Variants in ABCA12 observed in about 807,000 individuals in gnomAD.
ABCA12 encodes ATP binding cassette subfamily A member 12, also known as glucosylceramide transporter ABCA12.
A neutral mutation model predicts 293.5 loss-of-function variants in ABCA12; 156 were observed. The observed-to-expected ratio is 0.53, with a 90% CI of 0.47 to 0.61. The LOEUF is 0.61. Among genes scored for constraint, ABCA12 ranks in the 20% least tolerant of loss-of-function variants. The probability of loss-of-function intolerance (pLI) is 0.00; values close to 1 mark genes in which losing one functional copy is unlikely to be tolerated. For synonymous variants in ABCA12, 1,063 were observed against 1,108.0 expected (o/e 0.96, Z 0.81); for missense variants, 2,797 against 3,090.2 (o/e 0.91, Z 2.25).
rs148082896 is a variant in ABCA12 at position 215,124,342 on chromosome 2, G to A, written c.70-12652C>T. The stretch of plus-strand genomic sequence containing the variant: ...GTAGATATCCAGTAGTGGGATTGCT[G>A]GATCAAATTGTAGTTCTAGTTTTAG... On this transcript the variant is annotated intron_variant, in intron 1 of 52. Transcript: ENST00000272895. Among the ~76,000 whole-genome samples the A allele has an allele frequency of 7.1e-3, 1,084 of 152,252 alleles. 14 individuals are homozygous for A. Among genetic ancestry groups the A allele is most frequent in the African/African-American group, 0.023 (970 of 41,542 alleles).
In ABCA12 at chr2:215,052,615, C is replaced by CCA. The variant is rs139246428; in HGVS notation, c.410-33_410-32dup. 17,077 of 1,495,124 alleles carry CCA rather than the reference C, an allele frequency of 0.011. 1,228 individuals carry two copies. The African/African-American group carries it at 0.2, about 17-fold the overall frequency. The allele number at this position is 1,495,124 out of a possible 1,614,324, so 92.6% of individuals were successfully genotyped here. A position where few individuals can be genotyped will look rare whatever the true frequency, so the allele number is the denominator to read the frequency against. ...ATCAAAGAAGGAACAGATTAGCATT[C>CCA]CACACACACACACACAAATGCACAG... On this transcript the variant is annotated intron_variant, in intron 4 of 52. Coordinates refer to ENST00000272895, the MANE Select transcript of ABCA12 (RefSeq NM_173076.3).
intron 3 of ABCA12, among the ~76,000 whole-genome samples, chr2:215,060,030 C>A (rs913290494): frequency 1.3e-5 from 2 of 152,014 alleles, no homozygotes; most frequent in East Asian, 1.9e-4. Context: ...ATCTGCCCAC[C>A]CACACTTATC....
At position 214,990,755 on chromosome 2, in the gene ABCA12, T is replaced by C; in HGVS notation, c.3571A>G (p.Ile1191Val). The C allele has an allele frequency of 6.2e-7, 1 of 1,613,942 alleles. No individual in the cohort carries two copies. The highest frequency in any genetic ancestry group is 8.5e-7 in the Non-Finnish European group (1 of 1,179,952). ...LIYIIAFFPF[I>V]VLVTVENELS... ...TCATTCTCCACTGTAACCAGAACAA[T>C]AAATGGAAAGAAGGCAATGATGTAG... Residue 1191 changes from isoleucine to valine, a missense_variant, in exon 24 of 53, where the codon ATT becomes GTT. This residue lies in a region of ABCA12 where 2,130 missense variants were observed against 2,427.0 expected (regional missense o/e 0.88). Transcript: ENST00000272895.
At chr2:215,102,628 T>C (rs1456139895) in intron 2 of ABCA12, among the ~76,000 whole-genome samples, 4 of 152,198 alleles carry the variant, frequency 2.6e-5, no homozygotes, top group African/African-American at 9.6e-5. Flanking sequence ...CTAATACTTT[T>C]GGTTTGGACC....
intron 2 of ABCA12, among the ~76,000 whole-genome samples, chr2:215,080,343 C>CA: frequency 6.6e-6 from 1 of 151,964 alleles, no homozygotes; most frequent in East Asian, 1.9e-4. Flanking sequence ...ACCAAAAATA[C>CA]AAAAAATTAG....
intron 2 of ABCA12, among the ~76,000 whole-genome samples, chr2:215,106,553 A>G (rs909328273): frequency 4.6e-5 from 7 of 152,200 alleles, no homozygotes; most frequent in African/African-American, 1.7e-4. Context: ...TACTTAACAC[A>G]TTATTTGTGT....
rs1334837040 is a variant in ABCA12, at chr2:215,075,478, C to T, written c.164-11259G>A. 4.5e-6 allele frequency: 3 copies of T among 665,406 alleles called. No homozygotes were observed. In the Admixed American group the frequency reaches 7.5e-5, roughly 17 times the overall value. 41.2% of individuals were successfully genotyped at this position (665,406 alleles called of 1,614,324 possible). On this transcript the variant is annotated intron_variant, in intron 2 of 52. Transcript: ENST00000272895. ...TCAGACAGGAGCGAGAGTCAAAAAG[C>T]ATCCTCTTAATCCTAGCTTTGCAAA... is the stretch of plus-strand genomic sequence containing the variant.
At chr2:215,049,569 T>C (rs369730863) in intron 6 of ABCA12, 57 bp downstream of exon 6, 12 of 1,545,186 alleles carry the variant, frequency 7.8e-6, no homozygotes, top group Admixed American at 3.3e-5. Context: ...ACACGGGCTA[T>C]AGATTTACCC....
chr2:214,954,641 T>C (rs1698887071), intron 43 of ABCA12, among the ~76,000 whole-genome samples: 5 of 152,234 alleles, frequency 3.3e-5, no homozygotes, highest in Admixed American at 3.3e-4. Context: ...AGAGTATGCT[T>C]GTCTAGTCCT....
At chr2:214,953,773 C>A in intron 44 of ABCA12, 81 bp downstream of exon 44, 1 of 1,540,326 alleles carries the variant, frequency 6.5e-7, no homozygotes, top group Non-Finnish European at 8.8e-7. Flanking sequence ...AATGGAAAAG[C>A]TTAGACTATT....
chr2:214,956,641 C>A, intron 42 of ABCA12, 22 bp downstream of exon 42: 1 of 1,531,188 alleles, frequency 6.5e-7, no homozygotes, highest in South Asian at 1.1e-5. Context: ...ATTCTTCTTT[C>A]ATTGCTTAAT....
At chr2:215,135,022 G>A (rs544181985) in intron 1 of ABCA12, among the ~76,000 whole-genome samples, 33 of 152,082 alleles carry the variant, frequency 2.2e-4, no homozygotes, top group African/African-American at 7.7e-4. Context: ...GAGTGCAGTG[G>A]CACAATCTCA....
At chr2:215,029,913 A>AG (rs1700836252) in intron 9 of ABCA12, among the ~76,000 whole-genome samples, 1 of 152,216 alleles carries the variant, frequency 6.6e-6, no homozygotes, top group East Asian at 1.9e-4. Flanking sequence ...TAGAGCTATG[A>AG]GGAAAAAGTA....
chr2:214,993,580 A>G (rs1167788700), intron 23 of ABCA12, among the ~76,000 whole-genome samples: 1 of 152,222 alleles, frequency 6.6e-6, no homozygotes, highest in Non-Finnish European at 1.5e-5. Flanking sequence ...GAATATAATT[A>G]AGTGGGGAGT....
chr2:215,069,984 G>T (rs1418298445), intron 2 of ABCA12, among the ~76,000 whole-genome samples: 2 of 152,140 alleles, frequency 1.3e-5, no homozygotes, highest in Non-Finnish European at 2.9e-5. Flanking sequence ...AACCCCTGGG[G>T]GAGTCCGAGG....
intron 1 of ABCA12, among the ~76,000 whole-genome samples, chr2:215,120,527 G>C (rs1702784877): frequency 6.6e-6 from 1 of 152,168 alleles, no homozygotes; most frequent in Non-Finnish European, 1.5e-5. Context: ...AAATAAATAT[G>C]TGTTGGATGG....
chr2:215,050,000 G>C (rs765370455), intron 5 of ABCA12, among the ~76,000 whole-genome samples, 189 bp from the exon 6 acceptor site: 2 of 152,146 alleles, frequency 1.3e-5, no homozygotes, highest in Non-Finnish European at 2.9e-5. Context: ...ATGCATGAAT[G>C]TGGTAAATTC....
chr2:215,124,819 G>A (rs1702888281), intron 1 of ABCA12, among the ~76,000 whole-genome samples: 1 of 152,000 alleles, frequency 6.6e-6, no homozygotes, highest in Admixed American at 6.6e-5. Flanking sequence ...TTAGGTCCCA[G>A]CTATTTATCT....
chr2:215,096,136 T>C (rs1051370649), intron 2 of ABCA12, among the ~76,000 whole-genome samples: 80 of 152,224 alleles, frequency 5.3e-4, no homozygotes, highest in African/African-American at 1.9e-3. Flanking sequence ...TAATCTTTTA[T>C]TGAGCCCTTA....
Sources: gnomAD v4.1 joint callset for allele counts (sites outside exome capture counted in the v4.1 genomes callset) on GRCh38, gnomAD v4.1.1 for gene constraint, gnomAD v4.1.1 regional missense constraint, MANE v1.5 for transcripts, NCBI Gene and HGNC (gene_info 2026-07-23, HGNC 2026-07-21) for gene names.